Variants in MRPS27 observed in about 807,000 individuals in gnomAD.
MRPS27 encodes small ribosomal subunit protein mS27.
In MRPS27, 43 loss-of-function variants were observed where a neutral mutation model predicts 48.9. That is an observed-to-expected ratio of 0.88 (90% confidence interval 0.69 to 1.13). The LOEUF (loss-of-function observed/expected upper bound fraction) is 1.13. Among genes scored for constraint, MRPS27 ranks in the 50% most tolerant of loss-of-function variants. The pLI is 0.00. For missense variants in MRPS27, 467 were observed against 476.3 expected (o/e 0.98, Z 0.18); for synonymous variants, 188 against 171.9 (o/e 1.09, Z -0.73).
chr5:72,255,301 T>C (rs1189387793), intron 4 of MRPS27, among the ~76,000 whole-genome samples: 1 of 152,134 alleles, frequency 6.6e-6, no homozygotes, highest in African/African-American at 2.4e-5. Flanking sequence ...TCCACCCGCC[T>C]TGGACTCCCT....
chr5:72,282,043 T>G (rs966360549), intron 4 of MRPS27, among the ~76,000 whole-genome samples: 2 of 152,154 alleles, frequency 1.3e-5, no homozygotes, highest in African/African-American at 4.8e-5. Flanking sequence ...TCAGCATTGC[T>G]ATTAAAAAAA....
At chr5:72,224,158 T>C (rs913414261) in intron 9 of MRPS27, among the ~76,000 whole-genome samples, 5 of 150,482 alleles carry the variant, frequency 3.3e-5, no homozygotes, top group Non-Finnish European at 7.4e-5. Context: ...AGCCCAGGAG[T>C]TTGAGACCAG....
chr5:72,244,185 GC>G (rs1748444478), intron 4 of MRPS27, among the ~76,000 whole-genome samples: 1 of 151,706 alleles, frequency 6.6e-6, no homozygotes, highest in Non-Finnish European at 1.5e-5. Flanking sequence ...TGGAATCCCT[GC>G]CTGCTAATCT....
At chr5:72,275,828 T>G (rs1414029524) in intron 4 of MRPS27, among the ~76,000 whole-genome samples, 1 of 152,188 alleles carries the variant, frequency 6.6e-6, no homozygotes, top group East Asian at 1.9e-4. Flanking sequence ...ATTTGATTTT[T>G]TTTTTTAGAT....
chr5:72,254,642 T>C (rs1748748979), intron 4 of MRPS27, among the ~76,000 whole-genome samples: 1 of 152,220 alleles, frequency 6.6e-6, no homozygotes, highest in Non-Finnish European at 1.5e-5. Context: ...CTCTTCTTCA[T>C]TCCCATAGCA....
chr5:72,223,557 A>C, intron 10 of MRPS27, 126 bp downstream of exon 10: 1 of 1,192,006 alleles, frequency 8.4e-7, no homozygotes, highest in Non-Finnish European at 1.2e-6. Flanking sequence ...TAAAAATGTA[A>C]TTTTTGATGT....
intron 9 of MRPS27, 31 bp downstream of exon 9, chr5:72,226,026 A>C: frequency 1.9e-6 from 3 of 1,591,120 alleles, no homozygotes; most frequent in Non-Finnish European, 2.6e-6. Flanking sequence ...CAGATGGCTA[A>C]ATCTCACTGC....
At chr5:72,263,933 C>T (rs1749044353) in intron 4 of MRPS27, among the ~76,000 whole-genome samples, 1 of 152,100 alleles carries the variant, frequency 6.6e-6, no homozygotes, top group African/African-American at 2.4e-5. Flanking sequence ...TTCTCAAGTA[C>T]ATGTACATGC....
intron 4 of MRPS27, among the ~76,000 whole-genome samples, chr5:72,289,272 C>A (rs547196303): frequency 6.6e-6 from 1 of 152,314 alleles, no homozygotes; most frequent in South Asian, 2.1e-4. Context: ...TACTGGGTGG[C>A]ATGCCACTCT....
intron 1 of MRPS27, among the ~76,000 whole-genome samples, chr5:72,315,738 G>A (rs1169129930): frequency 6.6e-6 from 1 of 152,062 alleles, no homozygotes; most frequent in African/African-American, 2.4e-5. Flanking sequence ...ACAACTGCTG[G>A]GGAGGATGCA....
At chr5:72,242,444 A>C (rs1038984641) in intron 4 of MRPS27, among the ~76,000 whole-genome samples, 3 of 151,054 alleles carry the variant, frequency 2.0e-5, no homozygotes, top group Non-Finnish European at 4.4e-5. Flanking sequence ...AAAAAAAAAA[A>C]CACCACAGAC....
chr5:72,294,416 A>G (rs189147676), intron 4 of MRPS27: 2 of 152,338 alleles, frequency 1.3e-5, no homozygotes, highest in Admixed American at 1.3e-4. Context: ...ACTCTAATGC[A>G]ATGCTTACTG....
intron 4 of MRPS27, among the ~76,000 whole-genome samples, chr5:72,249,875 TTGGGAG>T (rs1748612312): frequency 6.6e-6 from 1 of 151,624 alleles, no homozygotes; most frequent in East Asian, 1.9e-4. Flanking sequence ...TCCCAGCTAC[TTGGGAG>T]GCTGAGGCAG....
rs1012488057 is a variant in MRPS27, at chr5:72,226,155, T to C, written c.739A>G (p.Met247Val). Reference protein sequence around the residue: ...QQGLRAVYHNMPLIWKPGYLD... With the variant: ...QQGLRAVYHNVPLIWKPGYLD... ...TAGCCTGGTTTCCATATCAGAGGCATGTTGTGGTACACAGCCCGTAGCCCT... is the reference window on the plus strand; with the variant it reads ...TAGCCTGGTTTCCATATCAGAGGCACGTTGTGGTACACAGCCCGTAGCCCT... The change falls in exon 9 of 11, where the codon ATG becomes GTG. Residue 247 changes from methionine (M) to valine (V), a missense_variant. By Grantham distance (21) the Met-to-Val change is conservative. Coordinates refer to ENST00000261413, the MANE Select transcript of MRPS27 (RefSeq NM_015084.3). The C allele has an allele frequency of 3.7e-6, 6 of 1,613,748 alleles. No individual in the cohort carries two copies. The African/African-American group carries it at 6.7e-5, about 18-fold the overall frequency.
At chr5:72,235,626 G>A (rs1451930422) in intron 5 of MRPS27, among the ~76,000 whole-genome samples, 1 of 152,092 alleles carries the variant, frequency 6.6e-6, no homozygotes, top group Non-Finnish European at 1.5e-5. Context: ...GAAAATCTAT[G>A]TACTTTCCAC....
In MRPS27 at chr5:72,295,526, C is replaced by CT. The variant is rs1295503768; in HGVS notation, c.281+4dup. On this transcript the variant is annotated splice_donor_region_variant and intron_variant, in intron 4 of 10. Transcript: ENST00000261413. ...GTACATAGCCAAATCAAATGGAAAACTTACTTGTAAAGGTAATACTCTGCA... is the reference window on the plus strand; with the variant it reads ...GTACATAGCCAAATCAAATGGAAAACTTTACTTGTAAAGGTAATACTCTGCA... The CT allele has an allele frequency of 6.2e-7, 1 of 1,603,218 alleles. No homozygotes were observed. Among genetic ancestry groups the CT allele is most frequent in the Non-Finnish European group, 8.5e-7 (1 of 1,171,016 alleles).
At chr5:72,299,576 C>T (rs1750077642) in intron 2 of MRPS27, among the ~76,000 whole-genome samples, 1 of 152,186 alleles carries the variant, frequency 6.6e-6, no homozygotes, top group Non-Finnish European at 1.5e-5. Flanking sequence ...TATCAAGTGA[C>T]TTTTATACCT....
intron 4 of MRPS27, among the ~76,000 whole-genome samples, chr5:72,246,498 T>G (rs1244719588): frequency 6.6e-6 from 1 of 151,962 alleles, no homozygotes; most frequent in Non-Finnish European, 1.5e-5. Context: ...GAAGCCAGAG[T>G]ACATGGGTTC....
intron 4 of MRPS27, chr5:72,241,814 C>T (rs1748358219): frequency 2.4e-6 from 2 of 823,572 alleles, no homozygotes; most frequent in African/African-American, 1.7e-5. Flanking sequence ...CAGCCAGCCA[C>T]TGTAGGAGTC....
Sources: gnomAD v4.1 joint callset for allele counts (sites outside exome capture counted in the v4.1 genomes callset) on GRCh38, gnomAD v4.1.1 for gene constraint, MANE v1.5 for transcripts, NCBI Gene and HGNC (gene_info 2026-07-23, HGNC 2026-07-21) for gene names.